The following TANK variants were observed in gnomAD, a reference collection of about 807,000 sequenced individuals.
TANK encodes TRAF family member associated NFKB activator.
In TANK, 15 loss-of-function variants were observed where a neutral mutation model predicts 43.6. The ratio of observed to expected loss-of-function variants is 0.34; its 90% CI spans 0.23 to 0.53. The LOEUF (loss-of-function observed/expected upper bound fraction) is 0.53, where lower values mean the gene tolerates loss of function less well. Among genes scored for constraint, TANK ranks in the 20% least tolerant of loss-of-function variants. The probability of loss-of-function intolerance (pLI) is 0.94; values close to 1 mark genes in which losing one functional copy is unlikely to be tolerated. For missense variants in TANK, 417 were observed against 498.6 expected (o/e 0.84, Z 1.56); for synonymous variants, 162 against 178.2 (o/e 0.91, Z 0.73).
intron 4 of TANK, among the ~76,000 whole-genome samples, chr2:161,214,042 C>A (rs1267254799): frequency 6.6e-6 from 1 of 152,070 alleles, no homozygotes; most frequent in Non-Finnish European, 1.5e-5. Flanking sequence ...ATTTTTAAAT[C>A]ACATTTAACA....
chr2:161,177,464 G>A (rs528511325), intron 1 of TANK, among the ~76,000 whole-genome samples: 2 of 152,208 alleles, frequency 1.3e-5, no homozygotes, highest in East Asian at 3.9e-4. Flanking sequence ...AACAAATAAT[G>A]CCAGGACAAT....
intron 1 of TANK, among the ~76,000 whole-genome samples, chr2:161,143,198 C>A (rs1049009819): frequency 6.6e-6 from 1 of 152,072 alleles, no homozygotes; most frequent in Non-Finnish European, 1.5e-5. Context: ...GCTGAAGTTG[C>A]TTATTAGCTT....
chr2:161,215,493 A>C (rs1232590656), intron 4 of TANK, among the ~76,000 whole-genome samples: 4 of 152,226 alleles, frequency 2.6e-5, no homozygotes, highest in African/African-American at 4.8e-5. Flanking sequence ...GTTAAAAGAT[A>C]GTTTGATAGT....
intron 2 of TANK, among the ~76,000 whole-genome samples, chr2:161,189,937 G>A (rs1399040901): frequency 1.3e-5 from 2 of 152,106 alleles, no homozygotes; most frequent in Non-Finnish European, 2.9e-5. Context: ...GTGACTTTTT[G>A]CGTATGACAC....
At chr2:161,229,088 A>G (rs1687778154) in intron 6 of TANK, among the ~76,000 whole-genome samples, 1 of 152,228 alleles carries the variant, frequency 6.6e-6, no homozygotes, top group Admixed American at 6.5e-5. Context: ...GAGTCATGGG[A>G]GAGTCATCCA....
intron 2 of TANK, among the ~76,000 whole-genome samples, chr2:161,199,095 A>G (rs1686288823): frequency 6.6e-6 from 1 of 152,218 alleles, no homozygotes; most frequent in African/African-American, 2.4e-5. Flanking sequence ...AGTGCTATGT[A>G]TTAGGATAAT....
At chr2:161,159,596 T>A (rs1684317739), upstream of TANK, among the ~76,000 whole-genome samples, 1 of 152,228 alleles carries the variant, frequency 6.6e-6, no homozygotes, top group Admixed American at 6.5e-5. Flanking sequence ...CACTGCAACT[T>A]GGCAGGTTTT....
chr2:161,210,620 C>A (rs997408586), intron 4 of TANK, among the ~76,000 whole-genome samples: 1 of 151,590 alleles, frequency 6.6e-6, no homozygotes, highest in Non-Finnish European at 1.5e-5. Flanking sequence ...TTGCTTGAAC[C>A]CGGGAGGCGG....
intron 1 of TANK, among the ~76,000 whole-genome samples, chr2:161,172,038 C>G (rs980484283): frequency 1.3e-5 from 2 of 152,136 alleles, no homozygotes; most frequent in Non-Finnish European, 2.9e-5. Context: ...ATCTTGCATT[C>G]AAATACTCTG....
At chr2:161,203,940 A>G (rs1686532324) in intron 3 of TANK, among the ~76,000 whole-genome samples, 2 of 152,292 alleles carry the variant, frequency 1.3e-5, no homozygotes, top group South Asian at 4.1e-4. Context: ...CAGGTACTCA[A>G]AAATATATAT....
intron 1 of TANK, among the ~76,000 whole-genome samples, chr2:161,140,196 T>C (rs940514547): frequency 6.6e-6 from 1 of 152,152 alleles, no homozygotes; most frequent in African/African-American, 2.4e-5. Flanking sequence ...TATCTGTTCC[T>C]TGAAATGTTT....
At chr2:161,213,829 A>G (rs1465230314) in intron 4 of TANK, among the ~76,000 whole-genome samples, 1 of 152,026 alleles carries the variant, frequency 6.6e-6, no homozygotes, top group Non-Finnish European at 1.5e-5. Flanking sequence ...AAAACTTGGT[A>G]GTGTCTTAAA....
chr2:161,163,883 C>T (rs369253927), intron 1 of TANK, among the ~76,000 whole-genome samples: 25 of 152,292 alleles, frequency 1.6e-4, no homozygotes, highest in African/African-American at 5.8e-4. Context: ...ACTGTTAATA[C>T]CTCGATAATA....
At position 161,236,211 on chromosome 2, in the gene TANK, TAAAAAAAAAA is replaced by T. The variant is rs371350821; in HGVS notation, c.*703_*712del. ...CATTTGTATGTCCTTTGTTCCTGAG[TAAAAAAAAAA>T]AAAAAAAAAGGGAAGGAAGGAATCA... On this transcript the variant is annotated 3_prime_UTR_variant, in exon 8 of 8. Transcript: ENST00000392749. The T allele has an allele frequency of 2.0e-5, 2 of 98,802 alleles. No individual in the cohort carries two copies. The highest frequency in any genetic ancestry group is 7.2e-5 in the African/African-American group (2 of 27,914). 6.1% of individuals were successfully genotyped at this position (98,802 alleles called of 1,614,324 possible).
intron 6 of TANK, among the ~76,000 whole-genome samples, chr2:161,225,940 C>G (rs1465871196): frequency 6.6e-6 from 1 of 152,038 alleles, no homozygotes; most frequent in African/African-American, 2.4e-5. Flanking sequence ...CCCCACCTCC[C>G]CAAAAACAAC....
At chr2:161,202,182 CTT>C (rs35913723) in intron 2 of TANK, among the ~76,000 whole-genome samples, 1,000 of 77,990 alleles carry the variant, frequency 0.013, 6 homozygotes, top group African/African-American at 0.048. Flanking sequence ...GCTCTAATTT[CTT>C]TTTTTTTTTT....
intron 2 of TANK, among the ~76,000 whole-genome samples, chr2:161,194,918 G>T (rs75938793): frequency 0.041 from 6,187 of 151,518 alleles, 261 homozygotes; most frequent in East Asian, 0.18. Flanking sequence ...GTTCATTCTG[G>T]TTTTTTTTCC....
chr2:161,163,850 C>G (rs1300210477), intron 1 of TANK, among the ~76,000 whole-genome samples: 1 of 152,142 alleles, frequency 6.6e-6, no homozygotes, highest in Non-Finnish European at 1.5e-5. Flanking sequence ...CAGAAGCCCA[C>G]CTTTTTACTT....
chr2:161,137,426 T>A lies in TANK; in HGVS notation c.-50+363T>A, dbSNP rs189970646. Among the ~76,000 whole-genome samples the A allele has an allele frequency of 5.5e-3, 840 of 152,320 alleles. 7 individuals are homozygous for A. Among genetic ancestry groups the A allele is most frequent in the African/African-American group, 0.018 (748 of 41,568 alleles). On this transcript the variant is annotated intron_variant, in intron 1 of 7. Transcript: ENST00000259075. The stretch of plus-strand genomic sequence containing the variant: ...ACCAAGGAAAATTTTAAATTTTTTT[T>A]AATTTTCTTTCTAACTTTTAAGATA...
Sources: gnomAD v4.1 joint callset for allele counts (sites outside exome capture counted in the v4.1 genomes callset) on GRCh38, gnomAD v4.1.1 for gene constraint, MANE v1.5 for transcripts, NCBI Gene and HGNC (gene_info 2026-07-23, HGNC 2026-07-21) for gene names.